The following SORL1 variants were observed in gnomAD, a reference collection of about 807,000 sequenced individuals.
SORL1 encodes sortilin related receptor 1.
In SORL1, 127 loss-of-function variants were observed where a neutral mutation model predicts 273.7. The ratio of observed to expected loss-of-function variants is 0.46; its 90% confidence interval spans 0.40 to 0.54. The LOEUF (loss-of-function observed/expected upper bound fraction) is 0.54, where lower values mean the gene tolerates loss of function less well. Among genes scored for constraint, SORL1 ranks in the 20% least tolerant of loss-of-function variants. The probability of loss-of-function intolerance (pLI) is 0.00; values close to 1 mark genes in which losing one functional copy is unlikely to be tolerated. For missense variants in SORL1, 2,494 were observed against 2,846.1 expected, an observed-to-expected ratio of 0.88 and a Z score of 2.81; for synonymous variants, 1,031 against 1,067.4, an observed-to-expected ratio of 0.97 and a Z score of 0.66.
At chr11:121,536,606 G>A (rs1240921323) in intron 12 of SORL1, among the ~76,000 whole-genome samples, 3 of 147,968 alleles carry the variant, frequency 2.0e-5, no homozygotes, top group East Asian at 3.9e-4. Context: ...GACAGGTTTC[G>A]CCATGTTGCC....
At position 121,577,323 on chromosome 11, in the gene SORL1, G is replaced by C. The variant is rs1219091163; in HGVS notation, c.3503G>C (p.Gly1168Ala). The change falls in exon 25 of 48, where the codon GGC becomes GCC. Residue 1168 changes from glycine to alanine, a missense_variant. Physicochemically the swap from Gly to Ala is moderately conservative, Grantham distance 60. Around this residue, in one of 3 missense-constraint regions of SORL1, gnomAD observed 1,609 missense variants for 1,816.4 expected, o/e 0.89. Transcript: ENST00000260197. ...AGTGACGAGTACAACTGCAGTTCCGGCATGTGCATCCGCTCCTCCTGGGTA... is the reference window on the plus strand; with the variant it reads ...AGTGACGAGTACAACTGCAGTTCCGCCATGTGCATCCGCTCCTCCTGGGTA... ...CRSDEYNCSS[G>A]MCIRSSWVCD... 2.5e-6 allele frequency: 4 copies of C among 1,613,330 alleles called. No homozygotes were observed. Among genetic ancestry groups the C allele is most frequent in the Non-Finnish European group, 3.4e-6 (4 of 1,179,574 alleles).
intron 40 of SORL1, among the ~76,000 whole-genome samples, chr11:121,613,535 T>C (rs1486782619): frequency 6.6e-6 from 1 of 152,168 alleles, no homozygotes; most frequent in Admixed American, 6.5e-5. Flanking sequence ...AAATGTTCTA[T>C]TGTTACTTTT....
Position 121,606,939 on chromosome 11 carries a change from C to T in SORL1, c.5043C>T (p.Gly1681=). The change falls in exon 36 of 48, where the codon GGC becomes GGT. Residue 1681 remains glycine (G), a synonymous_variant. Coordinates refer to ENST00000260197, the MANE Select transcript of SORL1 (RefSeq NM_003105.6). ...GGGCTCCTCCCATCCACACCCATGG[C>T]CTCATCCGTGAGTACATTGTAAGTA... ...GHWAPPIHTH[G]LIREYIVEYS... is the part of the protein sequence containing the mutation. 1 of 1,612,154 alleles carries T rather than the reference C, an allele frequency of 6.2e-7. No homozygotes were observed. Among genetic ancestry groups the T allele is most frequent in the South Asian group, 1.1e-5 (1 of 91,042 alleles).
chr11:121,526,520 T>A (rs758347232), intron 11 of SORL1, among the ~76,000 whole-genome samples: 5 of 152,180 alleles, frequency 3.3e-5, no homozygotes, highest in Non-Finnish European at 7.4e-5. Flanking sequence ...TTATTATAAT[T>A]GCCTTGAATT....
At chr11:121,559,427 G>A in intron 20 of SORL1, 92 bp from the exon 21 acceptor site, 1 of 1,333,040 alleles carries the variant, frequency 7.5e-7, no homozygotes, top group Non-Finnish European at 1.0e-6. Flanking sequence ...ATAAATGTTA[G>A]TTGTCTCCTG....
intron 3 of SORL1, among the ~76,000 whole-genome samples, chr11:121,487,484 G>A (rs1239921431): frequency 6.6e-5 from 10 of 152,192 alleles, no homozygotes. Flanking sequence ...TGGCAGCCTG[G>A]TCCCCAGAGC....
rs1401981539 is a variant in SORL1 at position 121,576,952 on chromosome 11, C to A, written c.3461-329C>A. ...TCCTGGCCTCCTCTATCACTGCTTC[C>A]TAACCTTCTTCCCATCATAGCAAGC... On this transcript the variant is annotated intron_variant, in intron 24 of 47. Coordinates refer to ENST00000260197, the MANE Select transcript of SORL1 (RefSeq NM_003105.6). 12 of 1,529,154 alleles carry A rather than the reference C, an allele frequency of 7.8e-6. No individual in the cohort carries two copies. The South Asian group carries it at 1.2e-4, about 15-fold the overall frequency. The allele number at this position is 1,529,154 out of a possible 1,614,324, so 94.7% of individuals were successfully genotyped here.
At chr11:121,569,756 T>C (rs926242195) in intron 22 of SORL1, among the ~76,000 whole-genome samples, 3 of 152,182 alleles carry the variant, frequency 2.0e-5, no homozygotes, top group African/African-American at 4.8e-5. Flanking sequence ...CCTGCCTCCA[T>C]TTGCCTTGTG....
rs1338647524 is a variant in SORL1 at position 121,566,980 on chromosome 11, C to T, written c.3090C>T (p.Cys1030=). The change falls in exon 22 of 48, where the codon TGC becomes TGT. Residue 1030 remains cysteine, a synonymous_variant. Coordinates refer to ENST00000260197, the MANE Select transcript of SORL1 (RefSeq NM_003105.6). ...ACVPRPCSLL[C]LPKANNSRSC... is the part of the protein sequence containing the mutation. ...TGCCCAGGCCATGCAGCCTGCTGTG[C>T]CTGCCCAAGGCCAACAACAGTAGAA... 2.5e-6 allele frequency: 4 copies of T among 1,613,948 alleles called. No individual in the cohort carries two copies. In the East Asian group the frequency reaches 6.7e-5, roughly 27 times the overall value.
In SORL1 at chr11:121,550,247, TA is replaced by T. The variant is rs1262393786; in HGVS notation, c.2180+162del. 4.6e-5 allele frequency among the ~76,000 whole-genome samples: 7 copies of T among 152,224 alleles called. No individual in the cohort carries two copies. The highest frequency in any genetic ancestry group is 1.7e-4 in the African/African-American group (7 of 41,454). On this transcript the variant is annotated intron_variant, in intron 15 of 47. Coordinates refer to ENST00000260197, the MANE Select transcript of SORL1 (RefSeq NM_003105.6). This position sits in a 1 kb window ranked among gnomAD's most constrained non-coding sequence, Gnocchi z 5.3. ...GCAACATTATAAATTATGGTATTTG[TA>T]AACTCTCCTACCTCCACATTGCAAG...
chr11:121,601,100 T>C (rs1863383719), intron 32 of SORL1, among the ~76,000 whole-genome samples: 1 of 136,078 alleles, frequency 7.3e-6, no homozygotes, highest in Non-Finnish European at 1.5e-5. Flanking sequence ...CCTGTGTCCA[T>C]GTGATCTCAT....
intron 6 of SORL1, among the ~76,000 whole-genome samples, chr11:121,502,327 AG>A (rs1391159291): frequency 6.6e-6 from 1 of 151,564 alleles, no homozygotes; most frequent in Non-Finnish European, 1.5e-5. Context: ...TAGTAGAGAC[AG>A]GGTTTCACTG....
chr11:121,501,121 G>T (rs566334179), intron 6 of SORL1, among the ~76,000 whole-genome samples: 2 of 152,162 alleles, frequency 1.3e-5, no homozygotes, highest in African/African-American at 4.8e-5. Flanking sequence ...AGCACCCAAT[G>T]CTTATAACTC....
chr11:121,590,954 A>C, intron 30 of SORL1, 47 bp from the exon 31 acceptor site: 1 of 1,612,040 alleles, frequency 6.2e-7, no homozygotes, highest in South Asian at 1.1e-5. Context: ...GTCTAAGATC[A>C]AGCTGCTTCT....
In SORL1 at chr11:121,629,684, C is replaced by CAAAA; in HGVS notation, c.*124_*127dup. On this transcript the variant is annotated 3_prime_UTR_variant, in exon 48 of 48. Transcript: ENST00000260197. Reference sequence around the variant, plus strand: ...ATGTTATTTTTATATGGGCCAAAAACAAAAAACAAAAAAAAAAAAAAGGAA... The same window carrying CAAAA: ...ATGTTATTTTTATATGGGCCAAAAACAAAAAAAAAACAAAAAAAAAAAAAAGGAA... The CAAAA allele has an allele frequency of 1.7e-5, 6 of 348,798 alleles. No homozygotes were observed. Among genetic ancestry groups the CAAAA allele is most frequent in the South Asian group, 9.6e-5 (2 of 20,854 alleles). The allele number at this position is 348,798 out of a possible 1,614,324, so 21.6% of individuals were successfully genotyped here. A position where few individuals can be genotyped will look rare whatever the true frequency, so the allele number is the denominator to read the frequency against.
Position 121,545,446 on chromosome 11 carries a change from T to C in SORL1, c.2051+17T>C, listed in dbSNP as rs756997801. 2 of 1,612,732 alleles carry C rather than the reference T, an allele frequency of 1.2e-6. No homozygotes were observed. Among genetic ancestry groups the C allele is most frequent in the East Asian group, 4.5e-5 (2 of 44,842 alleles). On this transcript the variant is annotated intron_variant, in intron 14 of 47. Transcript: ENST00000260197. Reference sequence around the variant, plus strand: ...CTATGAGTGGTCAGTTCTTCTTTGATGGCTGGGGACTGAGTTGTGTTTTAT... The same window carrying C: ...CTATGAGTGGTCAGTTCTTCTTTGACGGCTGGGGACTGAGTTGTGTTTTAT...
Position 121,596,584 on chromosome 11 carries a change from G to A in SORL1, c.4519+812G>A, listed in dbSNP as rs1308851932. Among the ~76,000 whole-genome samples, 1 of 152,150 alleles carries A rather than the reference G, an allele frequency of 6.6e-6. No individual in the cohort carries two copies. Among genetic ancestry groups the A allele is most frequent in the Admixed American group, 6.5e-5 (1 of 15,272 alleles). Reference sequence around the variant, plus strand: ...ACGGTTGGGTGCTGCTCTGGCTCGGGGATCCCTGCTTTGCGGGCCTCCCCT... The same window carrying A: ...ACGGTTGGGTGCTGCTCTGGCTCGGAGATCCCTGCTTTGCGGGCCTCCCCT... On this transcript the variant is annotated intron_variant, in intron 32 of 47. Transcript: ENST00000260197. The surrounding 1 kb of genome is among the most constrained non-coding windows in gnomAD (Gnocchi z 4.3).
rs1176509387 is a variant in SORL1, at chr11:121,596,457, T to A, written c.4519+685T>A. 6.6e-6 allele frequency among the ~76,000 whole-genome samples: 1 copy of A among 152,226 alleles called. No individual in the cohort carries two copies. The highest frequency in any genetic ancestry group is 1.5e-5 in the Non-Finnish European group (1 of 68,032). On this transcript the variant is annotated intron_variant, in intron 32 of 47. Transcript: ENST00000260197. The surrounding 1 kb of genome is among the most constrained non-coding windows in gnomAD (Gnocchi z 4.3). ...CAGTCAGCGCTTTTCAGTCCCTGGC[T>A]GCACGCTAATGCCGCCGTTGGCTGG... is the stretch of plus-strand genomic sequence containing the variant.
chr11:121,525,734 C>T (rs1862111646), intron 11 of SORL1, among the ~76,000 whole-genome samples: 1 of 152,154 alleles, frequency 6.6e-6, no homozygotes, highest in Non-Finnish European at 1.5e-5. Context: ...GAAGTATCTG[C>T]CCAAATCTTT....
Sources: gnomAD v4.1 joint callset for allele counts (sites outside exome capture counted in the v4.1 genomes callset) on GRCh38, gnomAD v4.1.1 for gene constraint, gnomAD v4.1.1 regional missense constraint, Gnocchi (gnomAD v3.1) non-coding constraint, MANE v1.5 for transcripts, NCBI Gene and HGNC (gene_info 2026-07-23, HGNC 2026-07-21) for gene names.